The following PPP2R2C variants were observed in gnomAD, a reference collection of about 807,000 sequenced individuals.
PPP2R2C encodes protein phosphatase 2, regulatory subunit B, gamma.
PPP2R2C carries 10 observed loss-of-function variants against 45.3 expected under a neutral mutation model. The ratio of observed to expected loss-of-function variants is 0.22; its 90% CI spans 0.14 to 0.37. PPP2R2C has a LOEUF of 0.37. Ranked by LOEUF, PPP2R2C falls within the 10% of genes least tolerant of loss-of-function variation. The pLI is 1.00. For missense variants in PPP2R2C, 308 were observed against 619.7 expected, an observed-to-expected ratio of 0.50 and a Z score of 5.34; for synonymous variants, 257 against 245.4, an observed-to-expected ratio of 1.05 and a Z score of -0.44.
intron 2 of PPP2R2C, among the ~76,000 whole-genome samples, chr4:6,502,118 C>T (rs777474016): frequency 6.6e-6 from 1 of 152,110 alleles, no homozygotes. Flanking sequence ...GGGATGAGGA[C>T]GAATGGATGC....
rs747154763 is a variant in PPP2R2C at position 6,323,452 on chromosome 4, C to T, written c.1194G>A (p.Lys398=). Residue 398 remains lysine, a synonymous_variant, in exon 9 of 9, where the codon AAG becomes AAA. Transcript: ENST00000382599. ...LKPRRVCVGG[K]RRRDDISVDS... is the part of the protein sequence containing the mutation. ...CCACACTGATGTCATCACGCCGGCG[C>T]TTGCCCCCCACGCACACGCGCCGTG... The T allele has an allele frequency of 4.3e-6, 7 of 1,613,344 alleles. No individual in the cohort carries two copies. Among genetic ancestry groups the T allele is most frequent in the Non-Finnish European group, 5.9e-6 (7 of 1,179,428 alleles).
intron 1 of PPP2R2C, among the ~76,000 whole-genome samples, chr4:6,542,093 G>A (rs76608005): frequency 1.3e-5 from 2 of 152,248 alleles, no homozygotes; most frequent in Admixed American, 6.5e-5. Context: ...AAAAGGGACA[G>A]TGACATTCTA....
chr4:6,508,959 A>G (rs980187608), intron 2 of PPP2R2C, among the ~76,000 whole-genome samples: 3 of 152,212 alleles, frequency 2.0e-5, no homozygotes, highest in Non-Finnish European at 4.4e-5. Context: ...TTCCTGCTCT[A>G]AAACTTTTTA....
At chr4:6,516,179 T>C (rs775959351) in intron 2 of PPP2R2C, among the ~76,000 whole-genome samples, 7 of 152,224 alleles carry the variant, frequency 4.6e-5, no homozygotes, top group Non-Finnish European at 8.8e-5. Flanking sequence ...CCTATCCACA[T>C]GCGTGATGTT....
intron 1 of PPP2R2C, among the ~76,000 whole-genome samples, chr4:6,398,898 T>A (rs1435429505): frequency 2.0e-5 from 3 of 152,134 alleles, no homozygotes; most frequent in African/African-American, 4.8e-5. Flanking sequence ...CAGAACAGAA[T>A]TCTCCTCAAA....
chr4:6,548,152 G>A (rs1400174563), intron 1 of PPP2R2C, among the ~76,000 whole-genome samples: 2 of 152,044 alleles, frequency 1.3e-5, no homozygotes, highest in African/African-American at 4.8e-5. Flanking sequence ...CGGGAGGCAG[G>A]GGCTGCAGTG....
intron 2 of PPP2R2C, among the ~76,000 whole-genome samples, chr4:6,527,081 C>T (rs1305458649): frequency 6.6e-6 from 1 of 152,160 alleles, no homozygotes; most frequent in African/African-American, 2.4e-5. Context: ...AATCTCAGCT[C>T]CATTGTAAAT....
At position 6,384,313 on chromosome 4, in the gene PPP2R2C, G is replaced by A. The variant is rs950601679; in HGVS notation, c.71-3219C>T. ...AAAATGCTTGTAATGATCTACATCA[G>A]TGATTATAGCCATGTGAAATAAGCA... On this transcript the variant is annotated intron_variant, in intron 1 of 8. Transcript: ENST00000382599. 18 of 985,398 alleles carry A rather than the reference G, an allele frequency of 1.8e-5. No individual in the cohort carries two copies. The Admixed American group carries it at 3.1e-4, about 17-fold the overall frequency. The allele number at this position is 985,398 out of a possible 1,614,324, so 61.0% of individuals were successfully genotyped here.
intron 1 of PPP2R2C, among the ~76,000 whole-genome samples, chr4:6,397,388 G>T (rs1717108651): frequency 6.6e-6 from 1 of 152,224 alleles, no homozygotes. Context: ...ATTGTTGCCT[G>T]GGAAGAAACA....
chr4:6,335,850 TC>T (rs560031299), intron 6 of PPP2R2C, among the ~76,000 whole-genome samples: 129 of 151,350 alleles, frequency 8.5e-4, no homozygotes, highest in African/African-American at 2.9e-3. Context: ...AGGAGGAAGG[TC>T]CCCCCCACCT....
In PPP2R2C at chr4:6,328,920, G is replaced by C. The variant is rs1388757160; in HGVS notation, c.1052+342C>G. ...CAGGTGTGGATGGATGATGGTGACCGGGTGCTGGGCTATAGCCCTCGCCCC... is the reference window on the plus strand; with the variant it reads ...CAGGTGTGGATGGATGATGGTGACCCGGTGCTGGGCTATAGCCCTCGCCCC... On this transcript the variant is annotated intron_variant, in intron 8 of 8. Coordinates refer to ENST00000382599, the MANE Select transcript of PPP2R2C (RefSeq NM_020416.4). This position sits in a 1 kb window ranked among gnomAD's most constrained non-coding sequence, Gnocchi z 4.4. Among the ~76,000 whole-genome samples, 2 of 57,772 alleles carry C rather than the reference G, an allele frequency of 3.5e-5. No individual in the cohort carries two copies. Among genetic ancestry groups the C allele is most frequent in the Non-Finnish European group, 8.1e-5 (2 of 24,646 alleles). The allele number at this position is 57,772 out of a possible 152,430, so 37.9% of individuals were successfully genotyped here.
intron 2 of PPP2R2C, among the ~76,000 whole-genome samples, chr4:6,494,274 T>C (rs1321322346): frequency 6.6e-6 from 1 of 152,088 alleles, no homozygotes; most frequent in East Asian, 1.9e-4. Context: ...TTACCATAGG[T>C]CCCCAAATCG....
At chr4:6,545,282 C>T (rs566135153) in intron 1 of PPP2R2C, among the ~76,000 whole-genome samples, 1 of 152,286 alleles carries the variant, frequency 6.6e-6, no homozygotes, top group East Asian at 1.9e-4. Context: ...TGACTGAAAT[C>T]GTGTTATAAT....
intron 1 of PPP2R2C, among the ~76,000 whole-genome samples, chr4:6,408,278 A>G (rs576945897): frequency 6.6e-6 from 1 of 152,296 alleles, no homozygotes; most frequent in African/African-American, 2.4e-5. Context: ...CCAGGGGCCA[A>G]ATGTTAGATG....
chr4:6,510,980 CAAAAAAA>C (rs752037080), intron 2 of PPP2R2C, among the ~76,000 whole-genome samples: 15 of 41,342 alleles, frequency 3.6e-4, no homozygotes, highest in East Asian at 9.1e-4. Context: ...CCGTCTCAAA[CAAAAAAA>C]AACAAACAAA....
At chr4:6,554,338 A>G (rs1725288521) in intron 1 of PPP2R2C, among the ~76,000 whole-genome samples, 1 of 152,158 alleles carries the variant, frequency 6.6e-6, no homozygotes. Context: ...TGGACAGCAA[A>G]TCACAATAAG....
chr4:6,509,047 T>C (rs889457201), intron 2 of PPP2R2C, among the ~76,000 whole-genome samples: 3 of 152,236 alleles, frequency 2.0e-5, no homozygotes, highest in African/African-American at 7.2e-5. Context: ...TCCTTTCCTC[T>C]TAGGAGGTGA....
At chr4:6,335,784 A>C (rs2109182865) in intron 6 of PPP2R2C, among the ~76,000 whole-genome samples, 1 of 152,108 alleles carries the variant, frequency 6.6e-6, no homozygotes, top group South Asian at 2.1e-4. Flanking sequence ...GGGCAGGAAA[A>C]GGCTCCCACG....
chr4:6,452,248 C>T (rs1720775449), intron 1 of PPP2R2C, among the ~76,000 whole-genome samples: 1 of 152,196 alleles, frequency 6.6e-6, no homozygotes. Context: ...TTCAGGGTGA[C>T]ACCGCAGGTT....
Sources: gnomAD v4.1 joint callset for allele counts (sites outside exome capture counted in the v4.1 genomes callset) on GRCh38, gnomAD v4.1.1 for gene constraint, Gnocchi (gnomAD v3.1) non-coding constraint, MANE v1.5 for transcripts, NCBI Gene and HGNC (gene_info 2026-07-23, HGNC 2026-07-21) for gene names.